AGBL4: variants seen among roughly 807,000 people sequenced by gnomAD.
The protein encoded by AGBL4 is AGBL carboxypeptidase 4.
In AGBL4, 58 loss-of-function variants were observed where a neutral mutation model predicts 66.4. That is an observed-to-expected ratio of 0.87 (90% CI 0.71 to 1.09). The LOEUF is 1.09. AGBL4 is among the 50% of genes least tolerant of loss of function. The pLI is 0.00. For synonymous variants in AGBL4, 234 were observed against 222.9 expected (o/e 1.05, Z -0.44); for missense variants, 579 against 631.0 (o/e 0.92, Z 0.88).
At chr1:48,988,739 G>C (rs934916079) in intron 5 of AGBL4, among the ~76,000 whole-genome samples, 3 of 152,062 alleles carry the variant, frequency 2.0e-5, no homozygotes, top group African/African-American at 7.2e-5. Context: ...CAATTTAGAA[G>C]GCCTTCATAA....
chr1:49,808,050 C>G (rs1327754719), intron 2 of AGBL4, among the ~76,000 whole-genome samples: 1 of 152,184 alleles, frequency 6.6e-6, no homozygotes, highest in Non-Finnish European at 1.5e-5. Context: ...GTTTACGGTA[C>G]TTTGTTATAG....
chr1:49,998,116 T>C (rs1441435286), intron 1 of AGBL4, among the ~76,000 whole-genome samples: 3 of 150,908 alleles, frequency 2.0e-5, no homozygotes, highest in African/African-American at 7.3e-5. Context: ...CTAAATGAAA[T>C]TGAAACAAAA....
intron 3 of AGBL4, among the ~76,000 whole-genome samples, chr1:49,369,555 G>A (rs1353687059): frequency 1.3e-5 from 2 of 152,124 alleles, no homozygotes; most frequent in Non-Finnish European, 2.9e-5. Context: ...CCAGGCCTTG[G>A]CACAGAGAGG....
intron 6 of AGBL4, among the ~76,000 whole-genome samples, chr1:48,825,255 G>A (rs556881270): frequency 1.1e-4 from 16 of 152,258 alleles, no homozygotes; most frequent in Non-Finnish European, 1.9e-4. Context: ...AGCGCAACCC[G>A]CCTTCTCACT....
intron 1 of AGBL4, among the ~76,000 whole-genome samples, chr1:50,015,701 CAAAA>C (rs1306575507): frequency 6.6e-6 from 1 of 151,490 alleles, no homozygotes; most frequent in African/African-American, 2.4e-5. Flanking sequence ...CAAAAACAAA[CAAAA>C]AAAACAAAGC....
intron 1 of AGBL4, among the ~76,000 whole-genome samples, chr1:49,923,363 C>A (rs919154117): frequency 6.6e-6 from 1 of 151,898 alleles, no homozygotes; most frequent in Non-Finnish European, 1.5e-5. Context: ...CTATAAAATC[C>A]CTAGAAGAAA....
intron 5 of AGBL4, among the ~76,000 whole-genome samples, chr1:48,958,954 GT>G: frequency 1.3e-5 from 2 of 152,248 alleles, no homozygotes; most frequent in Middle Eastern, 6.8e-3. Context: ...CTGTTCATAT[GT>G]TTGCCTCTCC....
intron 6 of AGBL4, among the ~76,000 whole-genome samples, chr1:48,747,441 A>G (rs565588257): frequency 6.6e-6 from 1 of 152,216 alleles, no homozygotes; most frequent in Non-Finnish European, 1.5e-5. Context: ...CCCTGACTGC[A>G]TATCAAGATC....
intron 11 of AGBL4, among the ~76,000 whole-genome samples, chr1:48,567,392 C>A (rs1249919332): frequency 6.6e-6 from 1 of 152,178 alleles, no homozygotes; most frequent in Non-Finnish European, 1.5e-5. Flanking sequence ...CATCCAAACA[C>A]ATGTGATGAT....
intron 3 of AGBL4, among the ~76,000 whole-genome samples, chr1:49,283,889 CT>C (rs1268716318): frequency 6.7e-6 from 1 of 148,844 alleles, no homozygotes; most frequent in Non-Finnish European, 1.5e-5. Flanking sequence ...AAATCTACGT[CT>C]GATTGGTGTA....
chr1:49,626,634 T>A (rs1214483378), intron 3 of AGBL4, among the ~76,000 whole-genome samples: 1 of 151,386 alleles, frequency 6.6e-6, no homozygotes, highest in Non-Finnish European at 1.5e-5. Flanking sequence ...AAGTAGCCAG[T>A]TGGTCTACTC....
chr1:48,636,397 G>A (rs927175595), intron 8 of AGBL4, among the ~76,000 whole-genome samples: 3 of 152,054 alleles, frequency 2.0e-5, no homozygotes, highest in African/African-American at 4.8e-5. Context: ...TTTCATTTTC[G>A]CTTTTATGCC....
chr1:49,655,758 C>A (rs575452458), intron 3 of AGBL4, among the ~76,000 whole-genome samples: 1 of 152,232 alleles, frequency 6.6e-6, no homozygotes, highest in African/African-American at 2.4e-5. Flanking sequence ...ATCAATGAAT[C>A]CAGGAGCTGG....
intron 6 of AGBL4, among the ~76,000 whole-genome samples, chr1:48,700,694 G>A (rs1646787443): frequency 6.6e-6 from 1 of 152,154 alleles, no homozygotes; most frequent in South Asian, 2.1e-4. Context: ...AGAAGGAAAG[G>A]AAGGGAGCTA....
Position 48,663,219 on chromosome 1 carries a change from C to G in AGBL4, c.657G>C (p.Glu219Asp). ...GTCCTGTGATGAATACCACCTTCTG[C>G]TCTGCCCCTTCCCGGAGATTGTCTG... ...TSPDNLREGA[E>D]QKVVFITGRV... The change falls in exon 7 of 14, where the codon GAG (glutamate) becomes GAC (aspartate). Residue 219 changes from glutamate (E) to aspartate (D), a missense_variant. Transcript: ENST00000371839. The G allele has an allele frequency of 6.2e-7, 1 of 1,613,934 alleles. No individual in the cohort carries two copies. Among genetic ancestry groups the G allele is most frequent in the Non-Finnish European group, 8.5e-7 (1 of 1,179,866 alleles).
At chr1:49,090,772 A>C (rs1158668917) in intron 4 of AGBL4, among the ~76,000 whole-genome samples, 2 of 152,232 alleles carry the variant, frequency 1.3e-5, no homozygotes, top group East Asian at 3.8e-4. Flanking sequence ...AAGAGCTCAA[A>C]TAGCCAAGGC....
At chr1:49,689,782 C>T (rs1646852464) in intron 3 of AGBL4, among the ~76,000 whole-genome samples, 1 of 152,126 alleles carries the variant, frequency 6.6e-6, no homozygotes, top group Admixed American at 6.5e-5. Context: ...CGAGAGCTTT[C>T]AGTCCTTTGG....
intron 1 of AGBL4, among the ~76,000 whole-genome samples, chr1:49,922,104 T>C (rs1018441798): frequency 2.6e-5 from 4 of 152,228 alleles, no homozygotes; most frequent in Admixed American, 6.5e-5. Context: ...GAGAAAATCA[T>C]GTTTTTGTCT....
chr1:49,419,746 A>C (rs940878255), intron 3 of AGBL4, among the ~76,000 whole-genome samples: 1 of 152,200 alleles, frequency 6.6e-6, no homozygotes, highest in African/African-American at 2.4e-5. Context: ...TTCCCTGTGA[A>C]CTAAAATGGT....
Sources: gnomAD v4.1 joint callset for allele counts (sites outside exome capture counted in the v4.1 genomes callset) on GRCh38, gnomAD v4.1.1 for gene constraint, MANE v1.5 for transcripts, NCBI Gene and HGNC (gene_info 2026-07-23, HGNC 2026-07-21) for gene names.